SLC33A1: variants seen among roughly 807,000 people sequenced by gnomAD.
The protein encoded by SLC33A1 is solute carrier family 33 member 1, also known as acetyl-coenzyme A transporter 1.
In SLC33A1, 20 loss-of-function variants were observed where a neutral mutation model predicts 50.0. The observed-to-expected ratio is 0.40, with a 90% CI of 0.28 to 0.58. The LOEUF is 0.58. Among genes scored for constraint, SLC33A1 ranks in the 20% least tolerant of loss-of-function variants. The pLI is 0.44. For synonymous variants in SLC33A1, 265 were observed against 251.8 expected, an observed-to-expected ratio of 1.05 and a Z score of -0.50; for missense variants, 476 against 657.0, an observed-to-expected ratio of 0.72 and a Z score of 3.01.
At chr3:155,840,737 C>T (rs1381406767) in intron 2 of SLC33A1, among the ~76,000 whole-genome samples, 1 of 152,062 alleles carries the variant, frequency 6.6e-6, no homozygotes, top group Non-Finnish European at 1.5e-5. Context: ...CCGCTTGAAC[C>T]CGGGAGGTGG....
intron 2 of SLC33A1, among the ~76,000 whole-genome samples, chr3:155,842,062 G>A (rs142821411): frequency 3.9e-5 from 6 of 152,024 alleles, no homozygotes; most frequent in East Asian, 1.9e-4. Context: ...ATCTTTTTAC[G>A]TCACACTCTT....
At position 155,822,540 on chromosome 3, in the gene SLC33A1, T is replaced by C. The variant is rs1752115616; in HGVS notation, c.*5670A>G. 2 of 140,256 alleles carry C rather than the reference T, an allele frequency of 1.4e-5. No individual in the cohort carries two copies. 8.7% of individuals were successfully genotyped at this position (140,256 alleles called of 1,614,324 possible). ...CAGAGGGTGCAGGGAGTCATGCCACTGCACTCCAGCCTGGGCGACAGAGCA... is the reference window on the plus strand; with the variant it reads ...CAGAGGGTGCAGGGAGTCATGCCACCGCACTCCAGCCTGGGCGACAGAGCA... On this transcript the variant is annotated 3_prime_UTR_variant, in exon 6 of 6. Coordinates refer to ENST00000643144, the MANE Select transcript of SLC33A1 (RefSeq NM_004733.4).
chr3:155,829,640 A>T, intron 5 of SLC33A1, 48 bp downstream of exon 5: 4 of 1,280,994 alleles, frequency 3.1e-6, no homozygotes, highest in South Asian at 1.2e-5. Flanking sequence ...CAAAGATATT[A>T]ATATCTTAGT....
chr3:155,830,184 A>T (rs1354380748), intron 4 of SLC33A1, among the ~76,000 whole-genome samples: 2 of 151,150 alleles, frequency 1.3e-5, no homozygotes, highest in East Asian at 3.9e-4. Flanking sequence ...TAACACGGTG[A>T]AACCCTGTCT....
chr3:155,835,331 C>T (rs778847367), intron 2 of SLC33A1, among the ~76,000 whole-genome samples: 1 of 152,074 alleles, frequency 6.6e-6, no homozygotes, highest in African/African-American at 2.4e-5. Context: ...GAAGTTATAT[C>T]GATACAGTAG....
rs1003655819 is a variant in SLC33A1 at position 155,822,311 on chromosome 3, G to A, written c.*5899C>T. The A allele has an allele frequency of 2.0e-5, 3 of 152,088 alleles. No homozygotes were observed. The highest frequency in any genetic ancestry group is 7.2e-5 in the African/African-American group (3 of 41,410). The allele number at this position is 152,088 out of a possible 1,614,324, so 9.4% of individuals were successfully genotyped here. A position where few individuals can be genotyped will look rare whatever the true frequency, so the allele number is the denominator to read the frequency against. On this transcript the variant is annotated 3_prime_UTR_variant, in exon 6 of 6. Coordinates refer to ENST00000643144, the MANE Select transcript of SLC33A1 (RefSeq NM_004733.4). Reference sequence around the variant, plus strand: ...TAGAAATTTAAGATAATTCCCGCCAGGTGCAGTGGCTCACACCTGCAATCC... The same window carrying A: ...TAGAAATTTAAGATAATTCCCGCCAAGTGCAGTGGCTCACACCTGCAATCC...
At chr3:155,845,491 C>A (rs1214817710) in intron 1 of SLC33A1, among the ~76,000 whole-genome samples, 1 of 152,014 alleles carries the variant, frequency 6.6e-6, no homozygotes, top group Non-Finnish European at 1.5e-5. Flanking sequence ...GGTACCCAGA[C>A]AAGGATATTT....
chr3:155,830,005 G>C (rs1466968333), intron 4 of SLC33A1, 102 bp from the exon 5 acceptor site: 5 of 780,380 alleles, frequency 6.4e-6, no homozygotes, highest in South Asian at 3.1e-5. Flanking sequence ...TAATTTTCAT[G>C]GTATTTATTG....
chr3:155,848,700 A>T (rs769992845), intron 1 of SLC33A1, among the ~76,000 whole-genome samples: 8 of 152,110 alleles, frequency 5.3e-5, no homozygotes, highest in Non-Finnish European at 1.0e-4. Flanking sequence ...CAAAAAAAGA[A>T]GATCTAGCAA....
chr3:155,829,840 T>C lies in SLC33A1; in HGVS notation c.1330A>G (p.Ile444Val). Residue 444 changes from isoleucine to valine, a missense_variant, in exon 5 of 6, where the codon ATT (isoleucine) becomes GTT (valine). Coordinates refer to ENST00000643144, the MANE Select transcript of SLC33A1 (RefSeq NM_004733.4). ...AFNAKVSDPLIGGTYMTLLNT... is the reference protein window; with the variant it reads ...AFNAKVSDPLVGGTYMTLLNT... ...AAAAGGGTCATGTATGTTCCTCCAA[T>C]AAGTGGATCACTAACCTTTGCATTG... 6.2e-7 allele frequency: 1 copy of C among 1,613,810 alleles called. No homozygotes were observed. Among genetic ancestry groups the C allele is most frequent in the South Asian group, 1.1e-5 (1 of 91,072 alleles).
At chr3:155,834,180 G>A in intron 2 of SLC33A1, 139 bp from the exon 3 acceptor site, 1 of 664,464 alleles carries the variant, frequency 1.5e-6, no homozygotes, top group Non-Finnish European at 2.6e-6. Context: ...TATTATACCT[G>A]GTACAACAGT....
chr3:155,837,037 T>A (rs746139031), intron 2 of SLC33A1, among the ~76,000 whole-genome samples: 5 of 152,170 alleles, frequency 3.3e-5, no homozygotes, highest in Non-Finnish European at 7.3e-5. Flanking sequence ...CAAGATGCCA[T>A]TACACAACCA....
intron 4 of SLC33A1, among the ~76,000 whole-genome samples, chr3:155,831,577 T>C (rs567529260): frequency 2.0e-5 from 3 of 152,084 alleles, no homozygotes; most frequent in South Asian, 2.1e-4. Flanking sequence ...TGTACCTTTT[T>C]TCCCCCATAA....
chr3:155,851,192 G>A (rs1433152181), intron 1 of SLC33A1, among the ~76,000 whole-genome samples: 1 of 151,938 alleles, frequency 6.6e-6, no homozygotes, highest in Non-Finnish European at 1.5e-5. Flanking sequence ...AGTGAGCTGA[G>A]GTCCTGCCAC....
intron 2 of SLC33A1, among the ~76,000 whole-genome samples, chr3:155,834,339 G>A (rs921574536): frequency 7.2e-5 from 11 of 152,052 alleles, no homozygotes; most frequent in African/African-American, 2.7e-4. Context: ...AGTAAACGGG[G>A]TCAAAAATCC....
chr3:155,831,594 T>C (rs145907050), intron 4 of SLC33A1, among the ~76,000 whole-genome samples: 6 of 151,954 alleles, frequency 3.9e-5, no homozygotes, highest in African/African-American at 1.4e-4. Flanking sequence ...ATAAAGCATC[T>C]GGTTATCTGA....
intron 5 of SLC33A1, 109 bp from the exon 6 acceptor site, chr3:155,828,486 T>C: frequency 1.4e-6 from 1 of 707,944 alleles, no homozygotes; most frequent in Non-Finnish European, 2.5e-6. Flanking sequence ...TCTTAAAACA[T>C]TTCAGTATTT....
At position 155,822,372 on chromosome 3, in the gene SLC33A1, G is replaced by A. The variant is rs778140192; in HGVS notation, c.*5838C>T. ...GGAGGCCGAGGCAGGCAGATCACGA[G>A]GTCAGGAGTTTGAGACCAGCCTGAC... On this transcript the variant is annotated 3_prime_UTR_variant, in exon 6 of 6. Coordinates refer to ENST00000643144, the MANE Select transcript of SLC33A1 (RefSeq NM_004733.4). 1 of 151,946 alleles carries A rather than the reference G, an allele frequency of 6.6e-6. No homozygotes were observed. The highest frequency in any genetic ancestry group is 2.1e-4 in the South Asian group (1 of 4,816). 9.4% of individuals were successfully genotyped at this position (151,946 alleles called of 1,614,324 possible).
intron 4 of SLC33A1, among the ~76,000 whole-genome samples, chr3:155,830,478 G>C (rs1027535): frequency 0.19 from 29,551 of 151,938 alleles, 7,275 homozygotes; most frequent in African/African-American, 0.57. Flanking sequence ...TTCTAGGCTG[G>C]AAAATGGGGA....
Sources: allele counts gnomAD v4.1 joint callset (sites outside exome capture counted in the v4.1 genomes callset), GRCh38; gene constraint gnomAD v4.1.1; transcripts MANE v1.5; gene names NCBI Gene and HGNC (gene_info 2026-07-23, HGNC 2026-07-21).